The following ELMOD3 variants were observed in gnomAD, a reference collection of about 807,000 sequenced individuals.
ELMOD3 encodes the protein ELMO domain containing 3.
In ELMOD3, 36 loss-of-function variants were observed where a neutral mutation model predicts 47.4. The ratio of observed to expected loss-of-function variants is 0.76; its 90% CI spans 0.58 to 1.00. ELMOD3 has a LOEUF of 1.00. Among genes scored for constraint, ELMOD3 ranks in the 50% least tolerant of loss-of-function variants. The probability of loss-of-function intolerance (pLI) is 0.00; values close to 1 mark genes in which losing one functional copy is unlikely to be tolerated. For synonymous variants in ELMOD3, 149 were observed against 183.5 expected (o/e 0.81, Z 1.52); for missense variants, 404 against 463.8 (o/e 0.87, Z 1.18).
chr2:85,390,390 G>A, intron 13 of ELMOD3, 125 bp downstream of exon 13: 1 of 1,614,056 alleles, frequency 6.2e-7, no homozygotes, highest in Non-Finnish European at 8.5e-7. Context: ...TCAAATTCCA[G>A]CTTACCAAAA....
intron 11 of ELMOD3, among the ~76,000 whole-genome samples, chr2:85,386,775 C>T (rs180830852): frequency 7.6e-4 from 116 of 152,284 alleles, no homozygotes; most frequent in African/African-American, 2.7e-3. Flanking sequence ...ACAAGCAGAT[C>T]ACCTGAGGTC....
intron 8 of ELMOD3, 41 bp from the exon 9 acceptor site, chr2:85,371,045 T>C: frequency 1.2e-6 from 2 of 1,602,154 alleles, no homozygotes; most frequent in South Asian, 1.1e-5. Flanking sequence ...TTAAGGGAAA[T>C]GAACCAGCAT....
intron 5 of ELMOD3, among the ~76,000 whole-genome samples, chr2:85,362,879 C>G (rs557818344): frequency 1.3e-5 from 2 of 152,310 alleles, no homozygotes; most frequent in African/African-American, 4.8e-5. Flanking sequence ...GATCAGGCCA[C>G]TGCACTCCCG....
intron 11 of ELMOD3, among the ~76,000 whole-genome samples, chr2:85,389,345 T>C (rs530009329): frequency 2.0e-5 from 3 of 152,266 alleles, no homozygotes; most frequent in African/African-American, 7.2e-5. Context: ...TAAGAACCCG[T>C]AGGGCTAGTT....
intron 11 of ELMOD3, among the ~76,000 whole-genome samples, chr2:85,380,020 G>A (rs542187744): frequency 7.9e-5 from 12 of 152,298 alleles, no homozygotes; most frequent in South Asian, 2.1e-4. Flanking sequence ...TCCCAAGGGC[G>A]TTATTGGCTT....
At position 85,363,117 on chromosome 2, in the gene ELMOD3, TGGCATTCTCCA is replaced by T. The variant is rs768426016; in HGVS notation, c.154_164del (p.Ile52SerfsTer7). The T allele has an allele frequency of 1.2e-6, 2 of 1,612,078 alleles. No homozygotes were observed. Among genetic ancestry groups the T allele is most frequent in the East Asian group, 4.5e-5 (2 of 44,868 alleles). On this transcript the variant is annotated frameshift_variant, in exon 6 of 14. Transcript: ENST00000409013. LOFTEE classifies it high-confidence loss of function. ...TACAGATCTCAGAGTTGAAGAACCA[TGGCATTCTCCA>T]GGCTCTGACCACAGAAGCTTATGAA...
intron 11 of ELMOD3, among the ~76,000 whole-genome samples, chr2:85,386,409 T>C (rs143211786): frequency 0.051 from 6,469 of 125,926 alleles, 242 homozygotes; most frequent in Non-Finnish European, 0.074. Flanking sequence ...TTTTTTGAGA[T>C]GGAGTCTCGC....
At chr2:85,366,260 C>T (rs1306945408) in intron 6 of ELMOD3, among the ~76,000 whole-genome samples, 2 of 152,024 alleles carry the variant, frequency 1.3e-5, no homozygotes, top group Non-Finnish European at 2.9e-5. Flanking sequence ...CGTGAGCCAC[C>T]GCACCCGGCC....
chr2:85,355,361 A>G (rs746177177), intron 2 of ELMOD3, 191 bp downstream of exon 2: 1 of 152,208 alleles, frequency 6.6e-6, no homozygotes, highest in Non-Finnish European at 1.5e-5. Flanking sequence ...ATTCCTATGC[A>G]GAGAATCTAA....
intron 4 of ELMOD3, among the ~76,000 whole-genome samples, chr2:85,359,435 T>A (rs997721026): frequency 6.1e-5 from 8 of 131,026 alleles, no homozygotes; most frequent in Admixed American, 3.4e-4. Flanking sequence ...TGAGATGGAG[T>A]CTTGCTCTGT....
In ELMOD3 at chr2:85,391,287, T is replaced by C; in HGVS notation, c.*325T>C. The C allele has an allele frequency of 4.1e-6, 1 of 243,596 alleles. No individual in the cohort carries two copies. Among genetic ancestry groups the C allele is most frequent in the Non-Finnish European group, 8.0e-6 (1 of 125,064 alleles). The allele number at this position is 243,596 out of a possible 1,614,324, so 15.1% of individuals were successfully genotyped here. A position where few individuals can be genotyped will look rare whatever the true frequency, so the allele number is the denominator to read the frequency against. On this transcript the variant is annotated 3_prime_UTR_variant, in exon 14 of 14. Coordinates refer to ENST00000409013, the MANE Select transcript of ELMOD3 (RefSeq NM_001135022.2). Reference sequence around the variant, plus strand: ...ATGAGGTGGGATGGCCCCATCTGGATGTTCTGCAGATCCCCACATGGGAGG... The same window carrying C: ...ATGAGGTGGGATGGCCCCATCTGGACGTTCTGCAGATCCCCACATGGGAGG...
At chr2:85,371,256 G>C (rs1194999667) in intron 9 of ELMOD3, 47 bp downstream of exon 9, 1 of 1,613,932 alleles carries the variant, frequency 6.2e-7, no homozygotes, top group Non-Finnish European at 8.5e-7. Flanking sequence ...TCTGTGGTTG[G>C]GCAAGACCGT....
At chr2:85,367,422 G>T (rs1015402766) in intron 6 of ELMOD3, among the ~76,000 whole-genome samples, 4 of 152,238 alleles carry the variant, frequency 2.6e-5, no homozygotes, top group Admixed American at 6.5e-5. Context: ...GGCACCAAGG[G>T]TGGGAGAGGG....
Position 85,369,751 on chromosome 2 carries a change from G to T in ELMOD3, c.281G>T (p.Ser94Ile). The change falls in exon 8 of 14, where the codon AGC (serine) becomes ATC (isoleucine). Residue 94 changes from serine (S) to isoleucine (I), a missense_variant. Coordinates refer to ENST00000409013, the MANE Select transcript of ELMOD3 (RefSeq NM_001135022.2). Reference sequence around the variant, plus strand: ...CGTTTTGCCACAGGGAGCCAAGCTAGCTCAGAGCAGCCTGGGCAGCTAATC... The same window carrying T: ...CGTTTTGCCACAGGGAGCCAAGCTATCTCAGAGCAGCCTGGGCAGCTAATC... ...TIQPETGSQA[S>I]SEQPGQLISF... The T allele has an allele frequency of 6.2e-7, 1 of 1,614,004 alleles. No individual in the cohort carries two copies.
rs761778237 is a variant in ELMOD3, at chr2:85,390,858, G to A, written c.1042G>A (p.Ala348Thr). The change falls in exon 14 of 14, where the codon GCA becomes ACA. Residue 348 changes from alanine to threonine, a missense_variant. Physicochemically the swap from Ala to Thr is moderately conservative, Grantham distance 58 (BLOSUM62 0). Coordinates refer to ENST00000409013, the MANE Select transcript of ELMOD3 (RefSeq NM_001135022.2). Reference protein sequence around the residue: ...VSKGQASLLGAQKCYGPEAPP... With the variant: ...VSKGQASLLGTQKCYGPEAPP... ...AAAGGGACAGGCCTCCTTGTTGGGA[G>A]CACAGAAGTGCTATGGGCCAGAAGC... The A allele has an allele frequency of 6.4e-7, 1 of 1,551,684 alleles. No homozygotes were observed. Among genetic ancestry groups the A allele is most frequent in the South Asian group, 1.2e-5 (1 of 84,064 alleles).
intron 6 of ELMOD3, among the ~76,000 whole-genome samples, chr2:85,367,921 T>C (rs938134489): frequency 6.6e-6 from 1 of 151,840 alleles, no homozygotes; most frequent in Non-Finnish European, 1.5e-5. Flanking sequence ...CTTTTCTTTT[T>C]TTTTTTTTTG....
intron 11 of ELMOD3, among the ~76,000 whole-genome samples, chr2:85,384,249 C>G (rs969359456): frequency 1.3e-5 from 2 of 152,204 alleles, no homozygotes; most frequent in African/African-American, 4.8e-5. Context: ...ATTTGGGGAA[C>G]CCAAGATATT....
At chr2:85,365,569 G>GA (rs1281015003) in intron 6 of ELMOD3, among the ~76,000 whole-genome samples, 1 of 152,118 alleles carries the variant, frequency 6.6e-6, no homozygotes, top group Admixed American at 6.6e-5. Flanking sequence ...TTGGTCAGGG[G>GA]AAAACAGTAT....
chr2:85,360,553 C>T (rs1314495197), intron 4 of ELMOD3, among the ~76,000 whole-genome samples: 2 of 152,148 alleles, frequency 1.3e-5, no homozygotes, highest in East Asian at 3.9e-4. Flanking sequence ...TTGGGTTTCA[C>T]CATGTTGGCC....
Sources: gnomAD v4.1 joint callset for allele counts (sites outside exome capture counted in the v4.1 genomes callset) on GRCh38, gnomAD v4.1.1 for gene constraint, MANE v1.5 for transcripts, NCBI Gene and HGNC (gene_info 2026-07-23, HGNC 2026-07-21) for gene names.